Variants in SCN7A observed in about 807,000 individuals in gnomAD.
The protein encoded by SCN7A is sodium channel protein type 7 subunit alpha.
Under a neutral mutation model 155.2 loss-of-function variants are expected in SCN7A, and 138 were observed. The observed-to-expected ratio is 0.89, with a 90% CI of 0.77 to 1.02. The LOEUF is 1.02. Ranked by LOEUF, SCN7A falls within the 50% of genes least tolerant of loss-of-function variation. The probability of loss-of-function intolerance (pLI) is 0.00; values close to 1 mark genes in which losing one functional copy is unlikely to be tolerated. For synonymous variants in SCN7A, 693 were observed against 649.0 expected, an observed-to-expected ratio of 1.07 and a Z score of -1.03; for missense variants, 2,058 against 1,986.6, an observed-to-expected ratio of 1.04 and a Z score of -0.68.
rs1702435871 is a variant in SCN7A at position 166,462,442 on chromosome 2, A to G, written c.1030T>C (p.Phe344Leu). ...TGAGCCATTAACCGAAATAGGGCAA[A>G]TAAGGCCCAGCCAAAACTGTCAAAA... The part of the protein sequence containing the change: ...TNFDSFGWAL[F>L]ALFRLMAQDY... The change falls in exon 10 of 26, where the codon TTT becomes CTT. Residue 344 changes from phenylalanine to leucine, a missense_variant. Phe to Leu is a conservative substitution (Grantham distance 22). Transcript: ENST00000643258. 1.2e-6 allele frequency: 2 copies of G among 1,611,480 alleles called. 1 individual carries two copies. Among genetic ancestry groups the G allele is most frequent in the South Asian group, 2.2e-5 (2 of 90,350 alleles).
At position 166,405,437 on chromosome 2, in the gene SCN7A, G is replaced by C; in HGVS notation, c.*143C>G. 1.6e-6 allele frequency: 1 copy of C among 623,998 alleles called. No homozygotes were observed. The highest frequency in any genetic ancestry group is 2.7e-6 in the Non-Finnish European group (1 of 368,148). The allele number at this position is 623,998 out of a possible 1,614,324, so 38.7% of individuals were successfully genotyped here. A position where few individuals can be genotyped will look rare whatever the true frequency, so the allele number is the denominator to read the frequency against. On this transcript the variant is annotated 3_prime_UTR_variant, in exon 26 of 26. Coordinates refer to ENST00000643258, the MANE Select transcript of SCN7A (RefSeq NM_002976.4). ...AGATATAATGCTAAAAAGTGAATTT[G>C]GCATGAAGTCTTGTGAATACAAGCT...
At chr2:166,487,125 G>T (rs1022664669) in intron 1 of SCN7A, among the ~76,000 whole-genome samples, 157 bp from the exon 2 acceptor site, 2 of 152,132 alleles carry the variant, frequency 1.3e-5, no homozygotes, top group Non-Finnish European at 2.9e-5. Context: ...TTTAAGTAAT[G>T]TTTCCTAAAG....
At chr2:166,410,068 T>TAACATATAGTCAAAACAAACA (rs1701166400) in intron 24 of SCN7A, 133 bp from the exon 25 acceptor site, 1 of 1,153,218 alleles carries the variant, frequency 8.7e-7, no homozygotes, top group Non-Finnish European at 1.2e-6. Flanking sequence ...TGCCAAACTA[T>TAACATATAGTCAAAACAAACA]AACATATAGT....
chr2:166,406,695 G>A, intron 25 of SCN7A, 49 bp from the exon 26 acceptor site: 1 of 1,191,178 alleles, frequency 8.4e-7, no homozygotes, highest in Non-Finnish European at 1.2e-6. Context: ...AAACACAATA[G>A]TATTTTGAGG....
At position 166,414,289 on chromosome 2, in the gene SCN7A, C is replaced by CAT. The variant is rs1234849626; in HGVS notation, c.3415-1169_3415-1168insAT. Among the ~76,000 whole-genome samples the CAT allele has an allele frequency of 4.0e-3, 123 of 31,102 alleles. 3 individuals carry two copies. The highest frequency in any genetic ancestry group is 5.8e-3 in the Non-Finnish European group (90 of 15,540). The allele number at this position is 31,102 out of a possible 152,430, so 20.4% of individuals were successfully genotyped here. ...ACACACACATATATATATATATACA[C>CAT]ACACATATATATATATATATATACA... On this transcript the variant is annotated intron_variant, in intron 21 of 25. Coordinates refer to ENST00000643258, the MANE Select transcript of SCN7A (RefSeq NM_002976.4).
chr2:166,475,913 T>A (rs1225738792), intron 3 of SCN7A, among the ~76,000 whole-genome samples: 1 of 152,002 alleles, frequency 6.6e-6, no homozygotes. Context: ...GGCCTTGGTT[T>A]ATTTTGCAAA....
At position 166,462,885 on chromosome 2, in the gene SCN7A, G is replaced by C. The variant is rs573455552; in HGVS notation, c.942-355C>G. Among the ~76,000 whole-genome samples the C allele has an allele frequency of 2.0e-5, 3 of 152,236 alleles. No homozygotes were observed. The South Asian group carries it at 6.2e-4, about 32-fold the overall frequency. Reference sequence around the variant, plus strand: ...ATATATTGTGGAATGGCCAAATGGAGCTAATTAGCATATGCATACCTCACA... The same window carrying C: ...ATATATTGTGGAATGGCCAAATGGACCTAATTAGCATATGCATACCTCACA... On this transcript the variant is annotated intron_variant, in intron 9 of 25. Transcript: ENST00000643258.
At chr2:166,432,180 G>T in intron 16 of SCN7A, 138 bp downstream of exon 16, 3 of 648,656 alleles carry the variant, frequency 4.6e-6, no homozygotes, top group Non-Finnish European at 7.8e-6. Context: ...AAAGTCAGAG[G>T]CTAAGAGTGA....
At chr2:166,470,579 C>G (rs564854000) in intron 7 of SCN7A, 36 bp downstream of exon 7, 2 of 1,548,544 alleles carry the variant, frequency 1.3e-6, no homozygotes, top group South Asian at 1.2e-5. Context: ...GTACATAAAA[C>G]AAAATGAAGA....
At position 166,462,459 on chromosome 2, in the gene SCN7A, CTG is replaced by C; in HGVS notation, c.1011_1012del (p.Asp337GlufsTer19). The stretch of plus-strand genomic sequence containing the variant: ...TAGGGCAAATAAGGCCCAGCCAAAA[CTG>C]TCAAAATTTGTGAAGCCTTGATCAG... On this transcript the variant is annotated frameshift_variant, in exon 10 of 26. Coordinates refer to ENST00000643258, the MANE Select transcript of SCN7A (RefSeq NM_002976.4). LOFTEE classifies it high-confidence loss of function. 6.2e-7 allele frequency: 1 copy of C among 1,613,424 alleles called. No homozygotes were observed. Among genetic ancestry groups the C allele is most frequent in the South Asian group, 1.1e-5 (1 of 90,872 alleles).
rs1683175107 is a variant in SCN7A, at chr2:166,494,091, A to G, written c.-251T>C. 1 of 152,098 alleles carries G rather than the reference A, an allele frequency of 6.6e-6. No individual in the cohort carries two copies. The highest frequency in any genetic ancestry group is 2.4e-5 in the African/African-American group (1 of 41,304). 9.4% of individuals were successfully genotyped at this position (152,098 alleles called of 1,614,324 possible). On this transcript the variant is annotated 5_prime_UTR_variant, in exon 1 of 26. Transcript: ENST00000643258. ...GGATCTCTCGGGTTTTCTGAGCTCTAGTTGTACAGAAGCTGCTGTTAGGCT... is the reference window on the plus strand; with the variant it reads ...GGATCTCTCGGGTTTTCTGAGCTCTGGTTGTACAGAAGCTGCTGTTAGGCT...
At chr2:166,447,582 T>C (rs758149593) in intron 12 of SCN7A, 30 bp downstream of exon 12, 13 of 1,394,406 alleles carry the variant, frequency 9.3e-6, no homozygotes, top group Admixed American at 5.3e-5. Flanking sequence ...GTACCTTCAA[T>C]AGTGAGTGTC....
intron 2 of SCN7A, among the ~76,000 whole-genome samples, chr2:166,482,271 G>T (rs980121032): frequency 1.3e-5 from 2 of 151,784 alleles, no homozygotes; most frequent in African/African-American, 4.8e-5. Flanking sequence ...AACCTTAAAA[G>T]AATACAAAAA....
chr2:166,460,429 T>C (rs934773557), intron 10 of SCN7A, among the ~76,000 whole-genome samples: 1 of 152,170 alleles, frequency 6.6e-6, no homozygotes, highest in Non-Finnish European at 1.5e-5. Flanking sequence ...ACAAAAATAC[T>C]TATTTTTTTT....
At chr2:166,408,166 T>C (rs1701117884) in intron 25 of SCN7A, among the ~76,000 whole-genome samples, 1 of 152,042 alleles carries the variant, frequency 6.6e-6, no homozygotes, top group African/African-American at 2.4e-5. Context: ...TTTTCCTTCC[T>C]ATTATTTTTA....
intron 15 of SCN7A, among the ~76,000 whole-genome samples, chr2:166,435,579 TTAAG>T (rs1214932984): frequency 5.9e-5 from 9 of 152,198 alleles, no homozygotes; most frequent in Admixed American, 1.3e-4. Flanking sequence ...AGTTCAAGAT[TTAAG>T]TAAGTACTTT....
At chr2:166,439,628 T>C (rs994453619) in intron 15 of SCN7A, among the ~76,000 whole-genome samples, 2 of 152,046 alleles carry the variant, frequency 1.3e-5, no homozygotes, top group Non-Finnish European at 2.9e-5. Context: ...TATATGATCA[T>C]TTTTTTGTTT....
chr2:166,422,161 C>A (rs764243733), intron 19 of SCN7A, among the ~76,000 whole-genome samples: 12 of 152,018 alleles, frequency 7.9e-5, no homozygotes, highest in Non-Finnish European at 1.5e-4. Flanking sequence ...TATTTTAAAT[C>A]ATTAATTGTA....
chr2:166,427,525 T>G (rs547713189), intron 18 of SCN7A, among the ~76,000 whole-genome samples: 2 of 152,128 alleles, frequency 1.3e-5, no homozygotes, highest in South Asian at 4.2e-4. Context: ...CATTTCCCAC[T>G]GTCACTCATA....
Sources: gnomAD v4.1 joint callset for allele counts (sites outside exome capture counted in the v4.1 genomes callset) on GRCh38, gnomAD v4.1.1 for gene constraint, MANE v1.5 for transcripts, NCBI Gene and HGNC (gene_info 2026-07-23, HGNC 2026-07-21) for gene names.